The following APBA1 variants were observed in gnomAD, a reference collection of about 807,000 sequenced individuals.
APBA1 encodes amyloid-beta A4 precursor protein-binding family A member 1.
Under a neutral mutation model 86.6 loss-of-function variants are expected in APBA1, and 55 were observed. The ratio of observed to expected loss-of-function variants is 0.64; its 90% CI spans 0.51 to 0.80. APBA1 has a LOEUF of 0.80. Among genes scored for constraint, APBA1 ranks in the 30% least tolerant of loss-of-function variants. The probability of loss-of-function intolerance (pLI) is 0.00; values close to 1 mark genes in which losing one functional copy is unlikely to be tolerated. For synonymous variants in APBA1, 511 were observed against 493.9 expected (o/e 1.03, Z -0.46); for missense variants, 1,090 against 1,183.0 (o/e 0.92, Z 1.15).
intron 1 of APBA1, among the ~76,000 whole-genome samples, chr9:69,594,568 G>C (rs913828715): frequency 1.3e-5 from 2 of 152,196 alleles, no homozygotes; most frequent in Non-Finnish European, 2.9e-5. Context: ...TATAGAGGAA[G>C]GGAGGTTGTG....
chr9:69,641,007 T>C (rs7858154), intron 1 of APBA1, among the ~76,000 whole-genome samples: 8,673 of 151,786 alleles, frequency 0.057, 406 homozygotes, highest in African/African-American at 0.12. Flanking sequence ...AGAAATAAAG[T>C]TGGTTTCTTC....
intron 1 of APBA1, among the ~76,000 whole-genome samples, chr9:69,585,376 T>C (rs924655204): frequency 2.0e-5 from 3 of 152,124 alleles, no homozygotes; most frequent in East Asian, 3.9e-4. Flanking sequence ...ACAGAAGAGA[T>C]GATAAGAAGA....
chr9:69,610,151 C>A (rs1011022481), intron 1 of APBA1, among the ~76,000 whole-genome samples: 1 of 151,950 alleles, frequency 6.6e-6, no homozygotes, highest in Non-Finnish European at 1.5e-5. Context: ...GACTCTGTCT[C>A]CACAAAAAAA....
At chr9:69,640,219 A>G (rs895372050) in intron 1 of APBA1, among the ~76,000 whole-genome samples, 3 of 152,120 alleles carry the variant, frequency 2.0e-5, no homozygotes, top group Admixed American at 6.5e-5. Flanking sequence ...GTGCATATTT[A>G]AACAAAAAAT....
chr9:69,579,061 T>C (rs1564082640), intron 1 of APBA1, among the ~76,000 whole-genome samples: 1 of 152,190 alleles, frequency 6.6e-6, no homozygotes, highest in Non-Finnish European at 1.5e-5. Context: ...AACGAGTTTT[T>C]TTTTTAAGAT....
chr9:69,472,543 G>A (rs1326417740), intron 3 of APBA1: 1 of 152,254 alleles, frequency 6.6e-6, no homozygotes, highest in African/African-American at 2.4e-5. Flanking sequence ...AGCATCACAG[G>A]AGAGTGGAGA....
intron 10 of APBA1, among the ~76,000 whole-genome samples, chr9:69,443,323 C>A (rs1188264171): frequency 6.6e-6 from 1 of 152,184 alleles, no homozygotes; most frequent in African/African-American, 2.4e-5. Context: ...AATGAATGAC[C>A]TCATCTGCAT....
At chr9:69,519,396 C>T (rs1836217082) in intron 1 of APBA1, among the ~76,000 whole-genome samples, 1 of 152,246 alleles carries the variant, frequency 6.6e-6, no homozygotes, top group Non-Finnish European at 1.5e-5. Flanking sequence ...TGCTACGGGC[C>T]TCCAGTGGAT....
At chr9:69,475,269 G>A (rs1284653042) in intron 3 of APBA1, among the ~76,000 whole-genome samples, 4 of 152,232 alleles carry the variant, frequency 2.6e-5, no homozygotes, top group Admixed American at 2.0e-4. Flanking sequence ...GGATACTTTA[G>A]AGCTGCACTG....
intron 1 of APBA1, among the ~76,000 whole-genome samples, chr9:69,661,300 G>A (rs1823748539): frequency 6.6e-6 from 1 of 152,160 alleles, no homozygotes; most frequent in Non-Finnish European, 1.5e-5. Context: ...ATTAGAACTA[G>A]GTAGGGAGTC....
intron 1 of APBA1, among the ~76,000 whole-genome samples, chr9:69,573,603 A>G (rs1019626551): frequency 7.2e-5 from 11 of 152,200 alleles, no homozygotes; most frequent in Non-Finnish European, 1.6e-4. Flanking sequence ...TTCTAGTCCC[A>G]GTCTTTTGTA....
At chr9:69,634,060 T>C (rs930757536) in intron 1 of APBA1, among the ~76,000 whole-genome samples, 1 of 152,132 alleles carries the variant, frequency 6.6e-6, no homozygotes, top group Non-Finnish European at 1.5e-5. Context: ...TAAAGCACCT[T>C]CATAAGAACC....
chr9:69,485,986 T>C (rs1731140259), intron 2 of APBA1, among the ~76,000 whole-genome samples: 1 of 151,972 alleles, frequency 6.6e-6, no homozygotes, highest in Non-Finnish European at 1.5e-5. Context: ...AGTTTCACTC[T>C]TTTTGCCCAG....
chr9:69,633,524 T>A (rs1823093286), intron 1 of APBA1, among the ~76,000 whole-genome samples: 1 of 152,220 alleles, frequency 6.6e-6, no homozygotes, highest in Non-Finnish European at 1.5e-5. Flanking sequence ...GGGACTCTAA[T>A]CTTCTCAGTA....
intron 2 of APBA1, among the ~76,000 whole-genome samples, chr9:69,497,741 A>C (rs1835822245): frequency 6.6e-6 from 1 of 152,064 alleles, no homozygotes; most frequent in African/African-American, 2.4e-5. Context: ...TTTTTCTGAC[A>C]TAGCCCCCTG....
At chr9:69,469,164 T>C (rs1371615156) in intron 4 of APBA1, among the ~76,000 whole-genome samples, 4 of 152,220 alleles carry the variant, frequency 2.6e-5, no homozygotes. Context: ...CCTAGCCTTG[T>C]GTATTTTATT....
intron 10 of APBA1, among the ~76,000 whole-genome samples, chr9:69,446,456 G>C (rs1236482416): frequency 6.6e-6 from 1 of 152,022 alleles, no homozygotes; most frequent in East Asian, 1.9e-4. Context: ...ATCACCACTC[G>C]GCCTTTTAAT....
At chr9:69,582,280 G>T (rs1036931842) in intron 1 of APBA1, among the ~76,000 whole-genome samples, 2 of 152,078 alleles carry the variant, frequency 1.3e-5, no homozygotes, top group South Asian at 2.1e-4. Context: ...ACAGTGGGAG[G>T]CTCGCTCATA....
chr9:69,644,254 T>C (rs1292531813), intron 1 of APBA1, among the ~76,000 whole-genome samples: 1 of 152,214 alleles, frequency 6.6e-6, no homozygotes, highest in Non-Finnish European at 1.5e-5. Flanking sequence ...ACAGAATAGA[T>C]GTTCCATAAA....
Sources: gnomAD v4.1 joint callset for allele counts (sites outside exome capture counted in the v4.1 genomes callset) on GRCh38, gnomAD v4.1.1 for gene constraint, MANE v1.5 for transcripts, NCBI Gene and HGNC (gene_info 2026-07-23, HGNC 2026-07-21) for gene names.